Variants in EEF1A2 observed in about 807,000 individuals in gnomAD.
The protein encoded by EEF1A2 is eukaryotic translation elongation factor 1 alpha 2, also known as elongation factor 1-alpha 2.
Under a neutral mutation model 39.3 loss-of-function variants are expected in EEF1A2, and 5 were observed. The ratio of observed to expected loss-of-function variants is 0.13; its 90% CI spans 0.07 to 0.27. EEF1A2 has a LOEUF of 0.27. Among genes scored for constraint, EEF1A2 ranks in the 10% least tolerant of loss-of-function variants. The pLI, the probability that EEF1A2 is intolerant of heterozygous loss-of-function variation, is 1.00. For missense variants in EEF1A2, 218 were observed against 681.4 expected, an observed-to-expected ratio of 0.32 and a Z score of 7.57; for synonymous variants, 287 against 293.7, an observed-to-expected ratio of 0.98 and a Z score of 0.23.
At chr20:63,496,068 G>C in intron 2 of EEF1A2, 33 bp from the exon 3 acceptor site, 1 of 1,608,870 alleles carries the variant, frequency 6.2e-7, no homozygotes, top group Non-Finnish European at 8.5e-7. Flanking sequence ...CTGAGGGCGG[G>C]ACCCGGGACC....
In EEF1A2 at chr20:63,497,591, G is replaced by C. The variant is rs764726091; in HGVS notation, c.144+29C>G. 7 of 1,597,316 alleles carry C rather than the reference G, an allele frequency of 4.4e-6. No homozygotes were observed. The South Asian group carries it at 7.9e-5, about 18-fold the overall frequency. ...CGGGAGTTGGGGGTTCCTTCTCAGG[G>C]GGCCAAGACCATAGCCTGGGGAGCT... On this transcript the variant is annotated intron_variant, in intron 2 of 7. Coordinates refer to ENST00000217182, the MANE Select transcript of EEF1A2 (RefSeq NM_001958.5). This position sits in a 1 kb window ranked among gnomAD's most constrained non-coding sequence, Gnocchi z 7.3.
Position 63,494,795 on chromosome 20 carries a change from C to A in EEF1A2, c.621+10G>T. The stretch of plus-strand genomic sequence containing the variant: ...CTCCCGTGGCCCGCCCCGCCCTAGC[C>A]GCCACTCACGTTGGGGGAGGGCTCC... On this transcript the variant is annotated intron_variant, in intron 4 of 7. Coordinates refer to ENST00000217182, the MANE Select transcript of EEF1A2 (RefSeq NM_001958.5). 1 of 1,605,424 alleles carries A rather than the reference C, an allele frequency of 6.2e-7. No homozygotes were observed. Among genetic ancestry groups the A allele is most frequent in the Non-Finnish European group, 8.5e-7 (1 of 1,175,646 alleles).
chr20:63,494,532 A>G (rs1463193946), intron 4 of EEF1A2, among the ~76,000 whole-genome samples: 1 of 152,232 alleles, frequency 6.6e-6, no homozygotes, highest in Non-Finnish European at 1.5e-5. Context: ...CTGGTGCTGG[A>G]GGCCGCTGCC....
intron 6 of EEF1A2, among the ~76,000 whole-genome samples, chr20:63,489,600 T>C (rs1464973633): frequency 1.3e-5 from 2 of 152,092 alleles, no homozygotes; most frequent in African/African-American, 4.8e-5. Context: ...CTGGCCAACA[T>C]GGTGAAACCC....
chr20:63,490,068 T>TTTTTTTTTTTTTTTTTTTTTTTTTTC (rs1491473743), intron 6 of EEF1A2: 8 of 66,740 alleles, frequency 1.2e-4, no homozygotes, highest in Non-Finnish European at 2.4e-4. Flanking sequence ...GTCCCTTTTC[T>TTTTTTTTTTTTTTTTTTTTTTTTTTC]TTTTTTTTTT....
chr20:63,495,157 C>G, intron 3 of EEF1A2, 56 bp from the exon 4 acceptor site: 31 of 1,570,960 alleles, frequency 2.0e-5, no homozygotes, highest in Non-Finnish European at 2.4e-5. Flanking sequence ...GGGGACAGAG[C>G]GAGCCTGGCC....
chr20:63,493,073 G>A, intron 5 of EEF1A2, 64 bp downstream of exon 5: 3 of 1,511,614 alleles, frequency 2.0e-6, no homozygotes, highest in Non-Finnish European at 2.7e-6. Flanking sequence ...GCCTTGTAGG[G>A]GCCCCTGGTC....
intron 3 of EEF1A2, 128 bp from the exon 4 acceptor site, chr20:63,495,229 T>G: frequency 7.3e-7 from 1 of 1,361,684 alleles, no homozygotes. Context: ...ACTGGGGCCT[T>G]GGGGAGGGAG....
chr20:63,495,052 G>A lies in EEF1A2; in HGVS notation c.374C>T (p.Ala125Val), dbSNP rs1057518587. The A allele has an allele frequency of 4.3e-6, 7 of 1,612,300 alleles. 1 individual carries two copies. Among genetic ancestry groups the A allele is most frequent in the South Asian group, 2.2e-5 (2 of 91,084 alleles). Residue 125 changes from alanine (A) to valine (V), a missense_variant, in exon 4 of 8, where the codon GCG becomes GTG. Ala to Val is a moderately conservative substitution (Grantham distance 64). Transcript: ENST00000217182. ...IVAAGVGEFE[A>V]GISKNGQTRE... is the part of the protein sequence containing the mutation. ...CGTCTGCCCATTCTTGGAGATGCCC[G>A]CCTCGAACTCGCCCACGCCCGCCGC...
At chr20:63,490,446 C>T (rs370600415) in intron 6 of EEF1A2, 33 bp downstream of exon 6, 83 of 1,588,942 alleles carry the variant, frequency 5.2e-5, no homozygotes, top group Non-Finnish European at 6.6e-5. Flanking sequence ...GTCCAGCAGG[C>T]GCCAGCCCCC....
intron 2 of EEF1A2, 59 bp from the exon 3 acceptor site, chr20:63,496,094 G>A (rs2082415325): frequency 6.3e-7 from 1 of 1,587,780 alleles, no homozygotes; most frequent in Admixed American, 1.7e-5. Flanking sequence ...GTCCCTGGTG[G>A]TGCGAGCTGC....
intron 3 of EEF1A2, among the ~76,000 whole-genome samples, chr20:63,495,561 G>A (rs1010677902): frequency 3.3e-5 from 5 of 152,174 alleles, no homozygotes; most frequent in African/African-American, 1.2e-4. Context: ...CCCCATCCTG[G>A]CCTCCAACCC....
At position 63,490,566 on chromosome 20, in the gene EEF1A2, G is replaced by A. The variant is rs758126231; in HGVS notation, c.942C>T (p.Asn314=). ...PGDNVGFNVK[N]VSVKDIRRGN... Reference sequence around the variant, plus strand: ...CCCGCCGGATGTCCTTCACCGACACGTTCTTCACATTGAAGCCGACGTTGT... The same window carrying A: ...CCCGCCGGATGTCCTTCACCGACACATTCTTCACATTGAAGCCGACGTTGT... Residue 314 remains asparagine (N), a synonymous_variant, in exon 6 of 8, where the codon AAC becomes AAT. Transcript: ENST00000217182. 6.2e-6 allele frequency: 10 copies of A among 1,612,668 alleles called. No individual in the cohort carries two copies. The highest frequency in any genetic ancestry group is 4.4e-5 in the South Asian group (4 of 91,090).
chr20:63,497,794 C>T lies in EEF1A2; in HGVS notation c.-31G>A, dbSNP rs550231644. 6.2e-7 allele frequency: 1 copy of T among 1,602,460 alleles called. No homozygotes were observed. Among genetic ancestry groups the T allele is most frequent in the East Asian group, 2.2e-5 (1 of 44,712 alleles). On this transcript the variant is annotated 5_prime_UTR_variant, in exon 2 of 8. Transcript: ENST00000217182. The surrounding 1 kb of genome is among the most constrained non-coding windows in gnomAD (Gnocchi z 7.3). ...TGGGAGTGTGAGGGGCTGGCGGGAC[C>T]CGGGGTGCTCTGGCTCAGGGCGAGG...
In EEF1A2 at chr20:63,497,863, G is replaced by A. The variant is rs577445554; in HGVS notation, c.-71-29C>T. The stretch of plus-strand genomic sequence containing the variant: ...TGGGGCCAGTGGTGGTGGGGAGACC[G>A]GTGATGGGGAGCCCCAGGGGGAGAC... On this transcript the variant is annotated intron_variant, in intron 1 of 7. Transcript: ENST00000217182. The surrounding 1 kb of genome is among the most constrained non-coding windows in gnomAD (Gnocchi z 7.3). The A allele has an allele frequency of 6.8e-4, 1,007 of 1,474,696 alleles. 1 individual carries two copies. Among genetic ancestry groups the A allele is most frequent in the Admixed American group, 2.9e-3 (146 of 50,248 alleles). 91.4% of individuals were successfully genotyped at this position (1,474,696 alleles called of 1,614,324 possible).
chr20:63,490,795 A>G lies in EEF1A2; in HGVS notation c.773-60T>C. ...GCCCGAGGGGATGCTGGGGCAGGAT[A>G]TTCGGGGACAGAGCCTGGAAACCAA... On this transcript the variant is annotated intron_variant, in intron 5 of 7. Transcript: ENST00000217182. 8.4e-6 allele frequency: 13 copies of G among 1,544,834 alleles called. No homozygotes were observed. In the South Asian group the frequency reaches 1.4e-4, roughly 16 times the overall value.
chr20:63,493,316 TA>T, intron 4 of EEF1A2, 29 bp from the exon 5 acceptor site: 1 of 1,480,516 alleles, frequency 6.8e-7, no homozygotes, highest in Non-Finnish European at 9.0e-7. Flanking sequence ...ATCAATCCGT[TA>T]AGAGACATTG....
intron 6 of EEF1A2, 141 bp downstream of exon 6, chr20:63,490,338 T>C: frequency 1.8e-6 from 2 of 1,087,884 alleles, no homozygotes; most frequent in Admixed American, 2.7e-5. Context: ...GTGCTGGGAT[T>C]ACAGGCGTGA....
At position 63,493,168 on chromosome 20, in the gene EEF1A2, G is replaced by A. The variant is rs2082398862; in HGVS notation, c.741C>T (p.Arg247=). Residue 247 remains arginine (R), a synonymous_variant, in exon 5 of 8, where the codon CGC becomes CGT. Coordinates refer to ENST00000217182, the MANE Select transcript of EEF1A2 (RefSeq NM_001958.5). ...PPTRPTDKPL[R]LPLQDVYKIG... ...TCTTGTACACGTCCTGCAGCGGCAG[G>A]CGCAGGGGCTTGTCCGTGGGGCGCG... 3 of 1,548,806 alleles carry A rather than the reference G, an allele frequency of 1.9e-6. No homozygotes were observed. Among genetic ancestry groups the A allele is most frequent in the East Asian group, 2.4e-5 (1 of 40,962 alleles).
Sources: gnomAD v4.1 joint callset for allele counts (sites outside exome capture counted in the v4.1 genomes callset) on GRCh38, gnomAD v4.1.1 for gene constraint, Gnocchi (gnomAD v3.1) non-coding constraint, MANE v1.5 for transcripts, NCBI Gene and HGNC (gene_info 2026-07-23, HGNC 2026-07-21) for gene names.